SSBP2: variants seen among roughly 807,000 people sequenced by gnomAD.
The protein encoded by SSBP2 is single-stranded DNA-binding protein 2.
SSBP2 carries 17 observed loss-of-function variants against 61.8 expected under a neutral mutation model. The observed-to-expected ratio is 0.28, with a 90% CI of 0.19 to 0.41. SSBP2 has a LOEUF of 0.41. Ranked by LOEUF, SSBP2 falls within the 10% of genes least tolerant of loss-of-function variation. SSBP2 has a pLI of 1.00. For synonymous variants in SSBP2, 139 were observed against 141.3 expected (o/e 0.98, Z 0.12); for missense variants, 310 against 458.7 (o/e 0.68, Z 2.96).
At chr5:81,594,230 GA>G (rs1021503796) in intron 4 of SSBP2, among the ~76,000 whole-genome samples, 1 of 151,968 alleles carries the variant, frequency 6.6e-6, no homozygotes, top group Non-Finnish European at 1.5e-5. Context: ...CAACAAAGAT[GA>G]AAAGAGACAA....
chr5:81,614,311 G>A (rs1460950310), intron 4 of SSBP2, among the ~76,000 whole-genome samples: 3 of 132,904 alleles, frequency 2.3e-5, no homozygotes, highest in East Asian at 2.6e-4. Flanking sequence ...AGTGAGCCGA[G>A]ATTGCGCCAC....
chr5:81,568,833 A>G (rs547917050), intron 4 of SSBP2, among the ~76,000 whole-genome samples: 2 of 152,348 alleles, frequency 1.3e-5, no homozygotes, highest in East Asian at 1.9e-4. Context: ...CATGAGATCT[A>G]GCTTGTAGGA....
chr5:81,713,067 A>T (rs1252668669), intron 1 of SSBP2, among the ~76,000 whole-genome samples: 1 of 152,056 alleles, frequency 6.6e-6, no homozygotes, highest in African/African-American at 2.4e-5. Context: ...TGCAAGGATG[A>T]AGAGTCCACC....
chr5:81,440,512 G>A (rs780097774), intron 14 of SSBP2, 46 bp downstream of exon 14: 1 of 1,531,514 alleles, frequency 6.5e-7, no homozygotes, highest in Non-Finnish European at 9.0e-7. Flanking sequence ...GTAGAATTAA[G>A]GTTTTGTTAT....
intron 7 of SSBP2, 60 bp from the exon 8 acceptor site, chr5:81,473,830 G>A (rs1176667691): frequency 2.1e-6 from 3 of 1,453,264 alleles, no homozygotes; most frequent in African/African-American, 2.8e-5. Flanking sequence ...CCAGAGGCTA[G>A]CAGCTTCCTC....
chr5:81,429,044 C>T (rs963306078), intron 15 of SSBP2, among the ~76,000 whole-genome samples: 29 of 152,252 alleles, frequency 1.9e-4, no homozygotes, highest in Admixed American at 1.8e-3. Context: ...ACTGATAAGG[C>T]AAGATGGAAC....
chr5:81,422,208 CT>C (rs1163235026), intron 16 of SSBP2, among the ~76,000 whole-genome samples: 4 of 152,124 alleles, frequency 2.6e-5, no homozygotes, highest in Admixed American at 2.6e-4. Context: ...CGAGCACGAA[CT>C]TTTCAGAAAG....
chr5:81,542,472 C>T (rs1416626509), intron 4 of SSBP2, among the ~76,000 whole-genome samples: 3 of 152,076 alleles, frequency 2.0e-5, no homozygotes, highest in Admixed American at 2.0e-4. Context: ...GTTCATAGCA[C>T]CACTACTCAC....
intron 1 of SSBP2, 176 bp downstream of exon 1, chr5:81,750,805 C>G: frequency 1.4e-6 from 1 of 712,760 alleles, no homozygotes; most frequent in Non-Finnish European, 2.3e-6. Context: ...GCCCGCACCT[C>G]CCGGGAAAGC....
chr5:81,555,935 G>C (rs1433079792), intron 4 of SSBP2, among the ~76,000 whole-genome samples: 2 of 152,076 alleles, frequency 1.3e-5, no homozygotes, highest in East Asian at 3.9e-4. Flanking sequence ...AAAATGAGCA[G>C]ATAGTAAATA....
intron 10 of SSBP2, among the ~76,000 whole-genome samples, chr5:81,459,040 C>T (rs1764354851): frequency 6.6e-6 from 1 of 152,182 alleles, no homozygotes; most frequent in African/African-American, 2.4e-5. Context: ...CTGCTTTCAA[C>T]TCCATTACTT....
At chr5:81,547,812 A>G (rs1771853468) in intron 4 of SSBP2, among the ~76,000 whole-genome samples, 1 of 152,140 alleles carries the variant, frequency 6.6e-6, no homozygotes, top group Non-Finnish European at 1.5e-5. Flanking sequence ...AAGGAAACCA[A>G]TCTGAAAAGG....
chr5:81,750,691 C>T (rs1041755083), intron 1 of SSBP2: 3 of 468,402 alleles, frequency 6.4e-6, no homozygotes, highest in African/African-American at 6.3e-5. Context: ...GGTTATTTCC[C>T]TCAATCACCC....
intron 4 of SSBP2, among the ~76,000 whole-genome samples, chr5:81,578,617 T>C (rs565179351): frequency 6.6e-6 from 1 of 151,338 alleles, no homozygotes; most frequent in South Asian, 2.1e-4. Flanking sequence ...AGAAAATTGA[T>C]AAAAAAGATA....
At chr5:81,617,968 G>A (rs1313289253) in intron 3 of SSBP2, among the ~76,000 whole-genome samples, 2 of 135,714 alleles carry the variant, frequency 1.5e-5, no homozygotes. Context: ...AACATGGAAA[G>A]GAACAACCGG....
chr5:81,656,578 C>G (rs1561660490), intron 1 of SSBP2, among the ~76,000 whole-genome samples: 1 of 151,786 alleles, frequency 6.6e-6, no homozygotes, highest in African/African-American at 2.4e-5. Flanking sequence ...AGCCTTATGT[C>G]AAGCTAATAT....
At chr5:81,691,139 A>T (rs1375856660) in intron 1 of SSBP2, among the ~76,000 whole-genome samples, 3 of 152,090 alleles carry the variant, frequency 2.0e-5, no homozygotes, top group Non-Finnish European at 4.4e-5. Context: ...CAAATAAACA[A>T]TCTAACAATG....
At chr5:81,709,266 A>C (rs1383587174) in intron 1 of SSBP2, among the ~76,000 whole-genome samples, 1 of 152,030 alleles carries the variant, frequency 6.6e-6, no homozygotes, top group Non-Finnish European at 1.5e-5. Flanking sequence ...TGAGAAAAGA[A>C]GAAGTAAAAA....
intron 1 of SSBP2, among the ~76,000 whole-genome samples, chr5:81,701,604 A>G (rs765913887): frequency 6.6e-6 from 1 of 152,344 alleles, no homozygotes; most frequent in Non-Finnish European, 1.5e-5. Context: ...AAATTATCCC[A>G]CTAAAGATGT....
Sources: allele counts gnomAD v4.1 joint callset (sites outside exome capture counted in the v4.1 genomes callset), GRCh38; gene constraint gnomAD v4.1.1; transcripts MANE v1.5; gene names NCBI Gene and HGNC (gene_info 2026-07-23, HGNC 2026-07-21).